Variants in SNAP91 observed in about 807,000 individuals in gnomAD.
SNAP91 encodes the protein clathrin coat assembly protein AP180.
Under a neutral mutation model 100.3 loss-of-function variants are expected in SNAP91, and 27 were observed. The observed-to-expected ratio is 0.27, with a 90% CI of 0.20 to 0.37. SNAP91 has a LOEUF of 0.37. Ranked by LOEUF, SNAP91 falls within the 10% of genes least tolerant of loss-of-function variation. The probability of loss-of-function intolerance (pLI) is 1.00; values close to 1 mark genes in which losing one functional copy is unlikely to be tolerated. For synonymous variants in SNAP91, 404 were observed against 398.6 expected, an observed-to-expected ratio of 1.01 and a Z score of -0.16; for missense variants, 986 against 1,123.7, an observed-to-expected ratio of 0.88 and a Z score of 1.75.
intron 2 of SNAP91, among the ~76,000 whole-genome samples, chr6:83,674,098 C>G (rs901518429): frequency 7.9e-5 from 12 of 152,044 alleles, no homozygotes; most frequent in African/African-American, 2.9e-4. Flanking sequence ...AAAATCAAAC[C>G]CTGGAAGTAC....
chr6:83,576,059 A>C lies in SNAP91; in HGVS notation c.2300-6T>G, dbSNP rs1818191582. ...GGTACCAGAAATTCCAAGATCTATA[A>C]ATGGATAAAAGAAAAAAGAATGTAA... On this transcript the variant is annotated splice_region_variant and splice_polypyrimidine_tract_variant and intron_variant, in intron 24 of 29. Coordinates refer to ENST00000369694, the MANE Select transcript of SNAP91 (RefSeq NM_001242792.2). 6 of 1,340,102 alleles carry C rather than the reference A, an allele frequency of 4.5e-6. No homozygotes were observed. The highest frequency in any genetic ancestry group is 5.1e-5 in the East Asian group (2 of 38,938). 83.0% of individuals were successfully genotyped at this position (1,340,102 alleles called of 1,614,324 possible). A position where few individuals can be genotyped will look rare whatever the true frequency, so the allele number is the denominator to read the frequency against.
chr6:83,603,113 G>A, intron 14 of SNAP91, among the ~76,000 whole-genome samples: 1 of 152,088 alleles, frequency 6.6e-6, no homozygotes, highest in East Asian at 1.9e-4. Flanking sequence ...CTTGTCACAG[G>A]AGCACTCAAT....
intron 22 of SNAP91, among the ~76,000 whole-genome samples, chr6:83,587,136 C>T (rs191196282): frequency 3.9e-4 from 59 of 152,128 alleles, no homozygotes; most frequent in African/African-American, 1.2e-3. Flanking sequence ...ACAAAGCTTT[C>T]GCCTCAATTT....
chr6:83,605,628 TA>T, intron 14 of SNAP91, 56 bp downstream of exon 14: 1 of 1,545,592 alleles, frequency 6.5e-7, no homozygotes, highest in Non-Finnish European at 8.7e-7. Flanking sequence ...ATAGCCTAAG[TA>T]AAAACAATGA....
chr6:83,592,908 A>G, intron 20 of SNAP91, 38 bp downstream of exon 20: 1 of 1,459,146 alleles, frequency 6.9e-7, no homozygotes, highest in Non-Finnish European at 9.4e-7. Context: ...TACTTCCACA[A>G]GACATCTCTG....
chr6:83,617,017 G>T lies in SNAP91; in HGVS notation c.830C>A (p.Thr277Lys). ...TAATGTATTTAGATGCTGTTCAAGC[G>T]TCTCCATAAGACTGCTGGGAGCCTA... ...LTQAPSSLME[T>K]LEQHLNTLEG... The change falls in exon 10 of 30, where the codon ACG becomes AAG. Residue 277 changes from threonine (T) to lysine (K), a missense_variant. Physicochemically the swap from Thr to Lys is moderately conservative, Grantham distance 78 (BLOSUM62 -1). Around this residue, in one of 4 missense-constraint regions of SNAP91, gnomAD observed 330 missense variants for 447.5 expected, o/e 0.74. Coordinates refer to ENST00000369694, the MANE Select transcript of SNAP91 (RefSeq NM_001242792.2). 6.5e-7 allele frequency: 1 copy of T among 1,546,978 alleles called. No homozygotes were observed. The highest frequency in any genetic ancestry group is 1.2e-5 in the South Asian group (1 of 83,562).
chr6:83,620,066 T>G (rs1251729833), intron 9 of SNAP91, among the ~76,000 whole-genome samples: 1 of 152,170 alleles, frequency 6.6e-6, no homozygotes, highest in Non-Finnish European at 1.5e-5. Flanking sequence ...ATGTAATAAT[T>G]ATGATATTAT....
At chr6:83,647,528 G>A (rs2097989410) in intron 7 of SNAP91, among the ~76,000 whole-genome samples, 1 of 152,118 alleles carries the variant, frequency 6.6e-6, no homozygotes. Flanking sequence ...GCATACCTGG[G>A]TAAATCCCCT....
At chr6:83,623,152 A>G (rs1027098349) in intron 9 of SNAP91, 149 bp downstream of exon 9, 20 of 571,478 alleles carry the variant, frequency 3.5e-5, no homozygotes, top group Non-Finnish European at 3.1e-6. Flanking sequence ...AATGGCTAGA[A>G]ACAATAAATA....
chr6:83,692,158 C>A (rs560824268), intron 2 of SNAP91, among the ~76,000 whole-genome samples: 1 of 152,142 alleles, frequency 6.6e-6, no homozygotes, highest in African/African-American at 2.4e-5. Context: ...CTATTAGATT[C>A]TGAAAGGCTC....
At chr6:83,588,736 A>G (rs1317067905) in intron 22 of SNAP91, among the ~76,000 whole-genome samples, 1 of 152,180 alleles carries the variant, frequency 6.6e-6, no homozygotes, top group East Asian at 1.9e-4. Flanking sequence ...CTTTTCCCAC[A>G]GGAAAAGGCC....
chr6:83,676,380 G>T (rs1206857292), intron 2 of SNAP91, among the ~76,000 whole-genome samples: 2 of 152,180 alleles, frequency 1.3e-5, no homozygotes, highest in African/African-American at 4.8e-5. Context: ...TACTGCTTCA[G>T]ATAGGGTGAT....
chr6:83,574,981 C>A (rs144294385), intron 26 of SNAP91, 29 bp downstream of exon 26: 4 of 1,449,278 alleles, frequency 2.8e-6, no homozygotes, highest in Admixed American at 2.0e-5. Context: ...AAACTGCCTG[C>A]GCTGCCCTGG....
Position 83,558,168 on chromosome 6 carries a change from G to A in SNAP91, c.2632-1923C>T, listed in dbSNP as rs565916622. Among the ~76,000 whole-genome samples, 5 of 152,082 alleles carry A rather than the reference G, an allele frequency of 3.3e-5. No homozygotes were observed. The East Asian group carries it at 9.6e-4, about 29-fold the overall frequency. ...AAAATTATATTTATTTATTTCTGAA[G>A]CTTTCAGTATATCAAACACAATAAG... is the stretch of plus-strand genomic sequence containing the variant. On this transcript the variant is annotated intron_variant, in intron 28 of 29. Coordinates refer to ENST00000369694, the MANE Select transcript of SNAP91 (RefSeq NM_001242792.2).
intron 2 of SNAP91, among the ~76,000 whole-genome samples, chr6:83,696,266 C>T (rs1291147551): frequency 6.6e-5 from 10 of 152,022 alleles, no homozygotes; most frequent in South Asian, 2.1e-4. Flanking sequence ...AGGTGCATAG[C>T]GATATTACAG....
chr6:83,573,781 C>T (rs1423593524), intron 26 of SNAP91, among the ~76,000 whole-genome samples: 1 of 152,150 alleles, frequency 6.6e-6, no homozygotes, highest in Non-Finnish European at 1.5e-5. Flanking sequence ...CCCTTCCTTA[C>T]ACCTTATACA....
At position 83,601,330 on chromosome 6, in the gene SNAP91, G is replaced by T. The variant is rs758409288; in HGVS notation, c.1265C>A (p.Ala422Asp). ...TTTAEIATASASASTTTTVTA... is the reference protein window; with the variant it reads ...TTTAEIATASDSASTTTTVTA... The stretch of plus-strand genomic sequence containing the variant: ...AACAGTTGTAGTAGTGGAGGCAGAA[G>T]CTGAGGCAGTTGCAATTTCAGCAGT... The change falls in exon 16 of 30, where the codon GCT becomes GAT. Residue 422 changes from alanine (A) to aspartate (D), a missense_variant. Ala to Asp is a moderately radical substitution (Grantham distance 126, BLOSUM62 -2). This residue lies in a region of SNAP91 where 575 missense variants were observed against 579.9 expected (regional missense o/e 0.99). Coordinates refer to ENST00000369694, the MANE Select transcript of SNAP91 (RefSeq NM_001242792.2). 3.1e-6 allele frequency: 5 copies of T among 1,613,508 alleles called. No individual in the cohort carries two copies. In the East Asian group the frequency reaches 1.1e-4, roughly 36 times the overall value.
In SNAP91 at chr6:83,591,502, T is replaced by C. The variant is rs550808759; in HGVS notation, c.1931-208A>G. On this transcript the variant is annotated intron_variant, in intron 21 of 29. Transcript: ENST00000369694. ...AGAGTTCTAAAATATTAACAAGTAA[T>C]ACCTCTTTGTAAGATTAAGGGAATT... Among the ~76,000 whole-genome samples the C allele has an allele frequency of 6.4e-4, 98 of 152,294 alleles. 3 individuals carry two copies. The South Asian group carries it at 0.013, about 20-fold the overall frequency.
chr6:83,689,183 A>G (rs1442412454), intron 2 of SNAP91, among the ~76,000 whole-genome samples: 1 of 152,138 alleles, frequency 6.6e-6, no homozygotes, highest in Non-Finnish European at 1.5e-5. Context: ...CACCCAAAGA[A>G]AGGGAAGCTG....
Sources: allele counts gnomAD v4.1 joint callset (sites outside exome capture counted in the v4.1 genomes callset), GRCh38; gene constraint gnomAD v4.1.1; regional missense constraint gnomAD v4.1.1; transcripts MANE v1.5; gene names NCBI Gene and HGNC (gene_info 2026-07-23, HGNC 2026-07-21).